The following PCDHGA2 variants were observed in gnomAD, a reference collection of about 807,000 sequenced individuals.
PCDHGA2 encodes protocadherin gamma subfamily A, 2.
In PCDHGA2, 40 loss-of-function variants were observed where a neutral mutation model predicts 59.2. That is an observed-to-expected ratio of 0.68 (90% confidence interval 0.52 to 0.88). The LOEUF (loss-of-function observed/expected upper bound fraction) is 0.88, where lower values mean the gene tolerates loss of function less well. Ranked by LOEUF, PCDHGA2 falls within the 40% of genes least tolerant of loss-of-function variation. The pLI is 0.00. For synonymous variants in PCDHGA2, 560 were observed against 526.0 expected (o/e 1.06, Z -0.89); for missense variants, 1,226 against 1,204.0 (o/e 1.02, Z -0.27).
rs779686795 is a variant in PCDHGA2 at position 141,476,566 on chromosome 5, G to C, written c.2425-18241G>C. The stretch of plus-strand genomic sequence containing the variant: ...TGGAGATTAGCGAGGCCGTGGCTCC[G>C]GGGACGCGCTTTCCGCTCGAGAGCG... On this transcript the variant is annotated intron_variant, in intron 1 of 3. Transcript: ENST00000394576. This position sits in a 1 kb window ranked among gnomAD's most constrained non-coding sequence, Gnocchi z 7.6. 1.2e-6 allele frequency: 2 copies of C among 1,614,180 alleles called. No homozygotes were observed. The highest frequency in any genetic ancestry group is 1.7e-5 in the Admixed American group (1 of 60,030).
At chr5:141,369,393 A>G (rs113516317) in intron 1 of PCDHGA2, among the ~76,000 whole-genome samples, 5 of 152,198 alleles carry the variant, frequency 3.3e-5, no homozygotes, top group Non-Finnish European at 7.4e-5. Context: ...CATTTGGGCC[A>G]GGGTGGTTCA....
At chr5:141,376,448 G>T (rs771215693) in intron 1 of PCDHGA2, 1 of 1,614,174 alleles carries the variant, frequency 6.2e-7, no homozygotes, top group Non-Finnish European at 8.5e-7. Flanking sequence ...TGAGAAAAGC[G>T]AGCCTCTTCT....
intron 1 of PCDHGA2, among the ~76,000 whole-genome samples, chr5:141,474,120 T>C (rs2099343213): frequency 6.6e-6 from 1 of 151,910 alleles, no homozygotes; most frequent in Non-Finnish European, 1.5e-5. Flanking sequence ...ACAACGAAAA[T>C]CTCAGAAAAC....
chr5:141,421,464 T>A lies in PCDHGA2; in HGVS notation c.2425-73343T>A, dbSNP rs773727821. ...GGAAGACACAGCTTTTCGCTGTGAA[T>A]CCGCGAAGCGGCAGCTTGATCACGG... On this transcript the variant is annotated intron_variant, in intron 1 of 3. Transcript: ENST00000394576. 17 of 1,613,972 alleles carry A rather than the reference T, an allele frequency of 1.1e-5. No individual in the cohort carries two copies. In the East Asian group the frequency reaches 3.6e-4, roughly 34 times the overall value.
intron 1 of PCDHGA2, chr5:141,423,752 G>GC: frequency 1.6e-6 from 1 of 644,956 alleles, no homozygotes; most frequent in East Asian, 1.1e-4. Context: ...AAACTGTTTG[G>GC]GGGGGGGGTG....
In PCDHGA2 at chr5:141,490,706, T is replaced by C. The variant is rs777636562; in HGVS notation, c.2425-4101T>C. On this transcript the variant is annotated intron_variant, in intron 1 of 3. Coordinates refer to ENST00000394576, the MANE Select transcript of PCDHGA2 (RefSeq NM_018915.4). This position sits in a 1 kb window ranked among gnomAD's most constrained non-coding sequence, Gnocchi z 5.4. ...CCAGACACTGGGGATAATGCCCGCC[T>C]CACCTACTCCATTGTAGGAAATCAG... is the stretch of plus-strand genomic sequence containing the variant. The C allele has an allele frequency of 6.2e-7, 1 of 1,614,074 alleles. No homozygotes were observed. Among genetic ancestry groups the C allele is most frequent in the African/African-American group, 1.3e-5 (1 of 74,948 alleles).
At chr5:141,382,912 C>A (rs771685139) in intron 1 of PCDHGA2, 1 of 1,552,238 alleles carries the variant, frequency 6.4e-7, no homozygotes. Flanking sequence ...GGCGGCTCAG[C>A]CGAGGGGCGG....
chr5:141,472,533 C>A (rs1200612581), intron 1 of PCDHGA2, among the ~76,000 whole-genome samples: 3 of 150,970 alleles, frequency 2.0e-5, no homozygotes, highest in African/African-American at 7.3e-5. Flanking sequence ...GAGTGAGACA[C>A]CATCTCAAGA....
chr5:141,360,308 T>C, intron 1 of PCDHGA2: 2 of 1,613,902 alleles, frequency 1.2e-6, no homozygotes, highest in Non-Finnish European at 1.7e-6. Context: ...GGGCTCAGCG[T>C]CCGGGACTTG....
Position 141,379,889 on chromosome 5 carries a change from C to CTTTTTT in PCDHGA2, c.2424+38519_2424+38524dup, listed in dbSNP as rs70988800. Among the ~76,000 whole-genome samples the CTTTTTT allele has an allele frequency of 6.7e-3, 342 of 50,826 alleles. 49 individuals carry two copies. Among genetic ancestry groups the CTTTTTT allele is most frequent in the African/African-American group, 8.9e-3 (134 of 15,072 alleles). 33.3% of individuals were successfully genotyped at this position (50,826 alleles called of 152,430 possible). On this transcript the variant is annotated intron_variant, in intron 1 of 3. Transcript: ENST00000394576. ...CTTATTTTATGGTCTGTGAAAGCCT[C>CTTTTTT]TTTTTTTTTTTTTTTTTTTTTTTTT...
chr5:141,471,254 T>A (rs1043647138), intron 1 of PCDHGA2: 1 of 151,828 alleles, frequency 6.6e-6, no homozygotes, highest in African/African-American at 2.4e-5. Flanking sequence ...TTTCACCATG[T>A]TGGCAAGGCT....
chr5:141,418,649 G>A (rs760169796), intron 1 of PCDHGA2: 3 of 1,613,926 alleles, frequency 1.9e-6, no homozygotes, highest in Non-Finnish European at 2.5e-6. Flanking sequence ...CATCCTGAGA[G>A]TGAAGGCCAC....
At chr5:141,415,083 G>A (rs747351388) in intron 1 of PCDHGA2, 4 of 1,613,514 alleles carry the variant, frequency 2.5e-6, no homozygotes, top group Non-Finnish European at 3.4e-6. Context: ...CGCGAGCCCT[G>A]CTGGACAGAG....
intron 1 of PCDHGA2, chr5:141,355,018 A>G: frequency 1.1e-6 from 1 of 878,880 alleles, no homozygotes; most frequent in Non-Finnish European, 1.6e-6. Flanking sequence ...CAGAAATTTA[A>G]TCAGAATCAC....
rs2149722634 is a variant in PCDHGA2, at chr5:141,340,007, G to T, written c.1036G>T (p.Glu346Ter). ...TVLDVNDNAP[E>*]FYMTSATSSV... Reference sequence around the variant, plus strand: ...TCTGGATGTGAATGACAATGCCCCAGAATTTTACATGACATCTGCTACTAG... The same window carrying T: ...TCTGGATGTGAATGACAATGCCCCATAATTTTACATGACATCTGCTACTAG... Residue 346 changes from glutamate (E) to a stop codon, truncating the protein, a stop_gained, in exon 1 of 4, where the codon GAA (glutamate) becomes TAA (stop). Transcript: ENST00000394576. LOFTEE classifies it high-confidence loss of function. 1 of 1,614,144 alleles carries T rather than the reference G, an allele frequency of 6.2e-7. No homozygotes were observed. The highest frequency in any genetic ancestry group is 8.5e-7 in the Non-Finnish European group (1 of 1,180,026).
intron 1 of PCDHGA2, chr5:141,370,643 C>T (rs1767087825): frequency 6.2e-7 from 1 of 1,613,934 alleles, no homozygotes; most frequent in African/African-American, 1.3e-5. Flanking sequence ...AAAATGGGAA[C>T]TTACTTGTGA....
At chr5:141,473,002 GAA>G (rs2099311273) in intron 1 of PCDHGA2, among the ~76,000 whole-genome samples, 1 of 143,872 alleles carries the variant, frequency 7.0e-6, no homozygotes, top group East Asian at 2.0e-4. Flanking sequence ...AAAAAAGAAA[GAA>G]AAAGAAAAAG....
chr5:141,478,878 T>C (rs946127535), intron 1 of PCDHGA2: 8 of 1,250,076 alleles, frequency 6.4e-6, no homozygotes, highest in Non-Finnish European at 8.6e-6. Context: ...GAGTTTAGCT[T>C]GGTATCATTT....
At chr5:141,351,406 T>G in intron 1 of PCDHGA2, 1 of 1,611,514 alleles carries the variant, frequency 6.2e-7, no homozygotes. Flanking sequence ...CATGCTATAC[T>G]CAGGAAGAAG....
Sources: allele counts gnomAD v4.1 joint callset (sites outside exome capture counted in the v4.1 genomes callset), GRCh38; gene constraint gnomAD v4.1.1; non-coding constraint Gnocchi (gnomAD v3.1); transcripts MANE v1.5; gene names NCBI Gene and HGNC (gene_info 2026-07-23, HGNC 2026-07-21).